The following TBC1D8B variants were observed in gnomAD, a reference collection of about 807,000 sequenced individuals.
The protein encoded by TBC1D8B is RP11-321G1.1.
In TBC1D8B, 75 loss-of-function variants were observed where a neutral mutation model predicts 82.9. The ratio of observed to expected loss-of-function variants is 0.90; its 90% CI spans 0.75 to 1.10. The LOEUF (loss-of-function observed/expected upper bound fraction) is 1.10, where lower values mean the gene tolerates loss of function less well. Among genes scored for constraint, TBC1D8B ranks in the 50% least tolerant of loss-of-function variants. The pLI is 0.00. For missense variants in TBC1D8B, 794 were observed against 796.9 expected, an observed-to-expected ratio of 1.00 and a Z score of 0.04; for synonymous variants, 276 against 276.8, an observed-to-expected ratio of 1.00 and a Z score of 0.03.
chrX:106,841,263 T>C (rs921319407), intron 10 of TBC1D8B, among the ~76,000 whole-genome samples: 4 of 111,649 alleles, frequency 3.6e-5, no homozygotes, highest in Non-Finnish European at 7.5e-5. Context: ...ATTCCTGTCA[T>C]GATTTATAAC....
rs370777952 is a variant in TBC1D8B, at chrX:106,846,159, G to C, written c.1720-2027G>C. On this transcript the variant is annotated intron_variant, in intron 10 of 20. Transcript: ENST00000357242. ...TCTGTTGCCCAGGCTGGAGTGCAGT[G>C]GCATGATCTTGGCTCACTGCAACCT... Among the ~76,000 whole-genome samples, 148 of 96,834 alleles carry C rather than the reference G, an allele frequency of 1.5e-3. 1 individual carries two copies. Among genetic ancestry groups the C allele is most frequent in the African/African-American group, 5.4e-3 (138 of 25,603 alleles). 84.1% of individuals were successfully genotyped at this position (96,834 alleles called of 115,157 possible).
chrX:106,823,211 A>G lies in TBC1D8B; in HGVS notation c.587-15A>G. 11 of 1,199,239 alleles carry G rather than the reference A, an allele frequency of 9.2e-6. No homozygotes were observed. Among genetic ancestry groups the G allele is most frequent in the Non-Finnish European group, 1.2e-5 (11 of 887,157 alleles). ...TGAAAATTTAATCATACCTGCTTAT[A>G]CCTCTTATTTGCAGTAAAACTCATT... On this transcript the variant is annotated splice_polypyrimidine_tract_variant and intron_variant, in intron 4 of 20. Transcript: ENST00000357242.
Position 106,802,932 on chromosome X carries a change from G to C in TBC1D8B, c.79G>C (p.Val27Leu), listed in dbSNP as rs1249150321. ...WLMERSNDYF[V>L]LQRRRGYGEE... ...GATGGAAAGGTCCAACGACTACTTC[G>C]TGCTGCAGCGGCGTCGGGGCTACGG... The change falls in exon 1 of 21, where the codon GTG becomes CTG. Residue 27 changes from valine (V) to leucine (L), a missense_variant. Physicochemically the swap from Val to Leu is conservative, Grantham distance 32 (BLOSUM62 1). Transcript: ENST00000357242. The C allele has an allele frequency of 8.3e-6, 10 of 1,211,135 alleles. No homozygotes were observed. Among genetic ancestry groups the C allele is most frequent in the South Asian group, 1.8e-5 (1 of 56,898 alleles).
At chrX:106,862,776 GTTTTTT>G (rs1181091591) in intron 14 of TBC1D8B, among the ~76,000 whole-genome samples, 2 of 37,298 alleles carry the variant, frequency 5.4e-5, no homozygotes, top group Non-Finnish European at 8.8e-5. Context: ...GTTTTTTTTT[GTTTTTT>G]TTTTTTTTTT....
At chrX:106,822,259 CTA>C in intron 4 of TBC1D8B, 57 bp downstream of exon 4, 3 of 892,371 alleles carry the variant, frequency 3.4e-6, no homozygotes, top group Non-Finnish European at 4.7e-6. Flanking sequence ...CCTACCAACT[CTA>C]ATGATGTTAG....
At chrX:106,849,330 C>G in intron 11 of TBC1D8B, 1 of 1,112,194 alleles carries the variant, frequency 9.0e-7, no homozygotes, top group Non-Finnish European at 1.2e-6. Context: ...TGGGGTAGCA[C>G]CTGGCATGCT....
chrX:106,815,408 C>G (rs1158595591), intron 1 of TBC1D8B: 1 of 110,861 alleles, frequency 9.0e-6, no homozygotes, highest in African/African-American at 3.3e-5. Context: ...TGATCTATAT[C>G]TCTGTTTTGG....
rs182121762 is a variant in TBC1D8B, at chrX:106,843,597, T to C, written c.1719+2713T>C. Among the ~76,000 whole-genome samples the C allele has an allele frequency of 4.1e-3, 463 of 111,874 alleles. 4 individuals carry two copies. The highest frequency in any genetic ancestry group is 0.023 in the Middle Eastern group (5 of 217). On this transcript the variant is annotated intron_variant, in intron 10 of 20. Coordinates refer to ENST00000357242, the MANE Select transcript of TBC1D8B (RefSeq NM_017752.3). ...ACCAGTGCCACATTGTCTTGATTAC[T>C]GCATCTGTGTAGTAAGTTTTGCAAT... is the stretch of plus-strand genomic sequence containing the variant.
chrX:106,838,400 T>C (rs1488627995), intron 7 of TBC1D8B, among the ~76,000 whole-genome samples: 1 of 111,571 alleles, frequency 9.0e-6, no homozygotes, highest in African/African-American at 3.3e-5. Flanking sequence ...TATTCTACCT[T>C]TTTCTCAAGG....
At chrX:106,811,708 G>A (rs911513402) in intron 1 of TBC1D8B, among the ~76,000 whole-genome samples, 3 of 111,096 alleles carry the variant, frequency 2.7e-5, no homozygotes, top group Non-Finnish European at 3.8e-5. Flanking sequence ...TTTCTTCTTT[G>A]TACCTAGAAA....
intron 1 of TBC1D8B, among the ~76,000 whole-genome samples, chrX:106,803,712 A>G (rs2147712762): frequency 9.0e-6 from 1 of 110,974 alleles, no homozygotes; most frequent in South Asian, 3.8e-4. Context: ...TAAGAGTTTA[A>G]CTCTTCCTGT....
intron 12 of TBC1D8B, 140 bp from the exon 13 acceptor site, chrX:106,853,381 G>A (rs1932631572): frequency 1.9e-6 from 1 of 532,355 alleles, no homozygotes; most frequent in Non-Finnish European, 3.0e-6. Context: ...CAGCAACAAA[G>A]TTCCACTTCT....
chrX:106,843,320 G>A (rs775120197), intron 10 of TBC1D8B, among the ~76,000 whole-genome samples: 1 of 111,277 alleles, frequency 9.0e-6, no homozygotes, highest in Admixed American at 9.6e-5. Flanking sequence ...AATGTATGAG[G>A]GTTCTATTTT....
rs1384835333 is a variant in TBC1D8B, at chrX:106,807,923, G to C, written c.130+4940G>C. On this transcript the variant is annotated intron_variant, in intron 1 of 20. Coordinates refer to ENST00000357242, the MANE Select transcript of TBC1D8B (RefSeq NM_017752.3). ...CAAAAATTAGCCGGACTTGGTGGCG[G>C]GTGCCTGTAGTCCCAGCTACTGATG... Among the ~76,000 whole-genome samples the C allele has an allele frequency of 2.7e-5, 3 of 109,979 alleles. No homozygotes were observed. The Admixed American group carries it at 2.9e-4, about 11-fold the overall frequency.
At chrX:106,823,603 T>C in intron 5 of TBC1D8B, 137 bp downstream of exon 5, 1 of 651,516 alleles carries the variant, frequency 1.5e-6, no homozygotes, top group Non-Finnish European at 2.2e-6. Flanking sequence ...GGTGTGTGTG[T>C]GTTTTGTGAG....
At chrX:106,836,389 ACTCAGAG>A (rs752209135) in intron 7 of TBC1D8B, among the ~76,000 whole-genome samples, 1 of 111,045 alleles carries the variant, frequency 9.0e-6, no homozygotes, top group South Asian at 3.9e-4. Flanking sequence ...TTGGGTGGGG[ACTCAGAG>A]CCAATCTTAA....
chrX:106,851,887 G>A (rs1279006503), intron 12 of TBC1D8B, among the ~76,000 whole-genome samples: 1 of 111,592 alleles, frequency 9.0e-6, no homozygotes, highest in Non-Finnish European at 1.9e-5. Context: ...GTGTGCATGT[G>A]TCTTTATAGC....
At chrX:106,812,138 T>G (rs1447220842) in intron 1 of TBC1D8B, among the ~76,000 whole-genome samples, 2 of 111,826 alleles carry the variant, frequency 1.8e-5, no homozygotes, top group African/African-American at 6.5e-5. Flanking sequence ...AAATGCCAAC[T>G]GTGGCTATTG....
chrX:106,873,707 C>A lies in TBC1D8B; in HGVS notation c.3105C>A (p.Ser1035Arg). 1 of 1,211,686 alleles carries A rather than the reference C, an allele frequency of 8.3e-7. No homozygotes were observed. The highest frequency in any genetic ancestry group is 1.1e-6 in the Non-Finnish European group (1 of 895,527). Residue 1035 changes from serine to arginine, a missense_variant, in exon 21 of 21, where the codon AGC becomes AGA. Ser to Arg is a moderately radical substitution (Grantham distance 110, BLOSUM62 -1). Coordinates refer to ENST00000357242, the MANE Select transcript of TBC1D8B (RefSeq NM_017752.3). ...AAGAAGTTGGAAGGAAACTACATAG[C>A]CCTACATCATCAGCCAAAGGATTCT... ...RMEEVGRKLH[S>R]PTSSAKGFSG...
Sources: allele counts gnomAD v4.1 joint callset (sites outside exome capture counted in the v4.1 genomes callset), GRCh38; gene constraint gnomAD v4.1.1; transcripts MANE v1.5; gene names NCBI Gene and HGNC (gene_info 2026-07-23, HGNC 2026-07-21).